Variants in AMD1 observed in about 807,000 individuals in gnomAD.
AMD1 encodes the protein adenosylmethionine decarboxylase 1, also known as S-adenosylmethionine decarboxylase proenzyme.
Under a neutral mutation model 40.2 loss-of-function variants are expected in AMD1, and 11 were observed. The ratio of observed to expected loss-of-function variants is 0.27; its 90% CI spans 0.17 to 0.45. The LOEUF is 0.45. Ranked by LOEUF, AMD1 falls within the 20% of genes least tolerant of loss-of-function variation. The pLI is 1.00. For missense variants in AMD1, 257 were observed against 410.2 expected, an observed-to-expected ratio of 0.63 and a Z score of 3.23; for synonymous variants, 121 against 130.8, an observed-to-expected ratio of 0.93 and a Z score of 0.51.
chr6:110,827,926 T>C, the AMD1 span, among the ~76,000 whole-genome samples: 5,782 of 152,342 alleles, frequency 0.038, 162 homozygotes, highest in Non-Finnish European at 0.06. Context: ...TAAGAACTTT[T>C]ATTGTTTTTA....
the AMD1 span, among the ~76,000 whole-genome samples, chr6:110,819,602 C>T: frequency 6.6e-6 from 1 of 152,100 alleles, no homozygotes. Flanking sequence ...GAAAGATAAG[C>T]TTGGTTGGGG....
intron 1 of AMD1, among the ~76,000 whole-genome samples, chr6:110,882,122 C>G (rs1338523431): frequency 2.6e-5 from 4 of 152,218 alleles, no homozygotes; most frequent in Non-Finnish European, 5.9e-5. Context: ...ATAAAACATT[C>G]TAGCTTAATA....
chr6:110,889,033 T>A, intron 3 of AMD1, 50 bp downstream of exon 3: 1 of 1,596,822 alleles, frequency 6.3e-7, no homozygotes, highest in Middle Eastern at 1.7e-4. Context: ...GTTAGCGTTC[T>A]TATCCTGTAA....
rs899141313 is a variant in AMD1, at chr6:110,889,989, C to T, written c.325-265C>T. ...GTTAATAGTTGTTATGACCCATCAT[C>T]ACTAGACTGGGCTTTTTAAAAAAAA... is the stretch of plus-strand genomic sequence containing the variant. On this transcript the variant is annotated intron_variant, in intron 3 of 8. Coordinates refer to ENST00000368885, the MANE Select transcript of AMD1 (RefSeq NM_001634.6). 1.9e-4 allele frequency: 66 copies of T among 344,584 alleles called. 1 individual carries two copies. The highest frequency in any genetic ancestry group is 3.2e-5 in the Non-Finnish European group (6 of 190,278). 21.3% of individuals were successfully genotyped at this position (344,584 alleles called of 1,614,324 possible). A position where few individuals can be genotyped will look rare whatever the true frequency, so the allele number is the denominator to read the frequency against.
the AMD1 span, among the ~76,000 whole-genome samples, chr6:110,823,130 A>T: frequency 6.6e-6 from 1 of 152,164 alleles, no homozygotes; most frequent in Non-Finnish European, 1.5e-5. Flanking sequence ...AAAAGCATAC[A>T]ATTATCTCAA....
At chr6:110,847,665 T>C in the AMD1 span, among the ~76,000 whole-genome samples, 1 of 152,094 alleles carries the variant, frequency 6.6e-6, no homozygotes, top group Non-Finnish European at 1.5e-5. Flanking sequence ...GCTTATCCTA[T>C]CTACAAAATT....
chr6:110,831,965 T>C, the AMD1 span, among the ~76,000 whole-genome samples: 3 of 151,050 alleles, frequency 2.0e-5, no homozygotes, highest in South Asian at 6.3e-4. Flanking sequence ...CACCTCAGCC[T>C]CCCAAGTAGC....
chr6:110,876,616 A>AT (rs1490898275), intron 1 of AMD1, among the ~76,000 whole-genome samples: 7 of 151,796 alleles, frequency 4.6e-5, no homozygotes, highest in Non-Finnish European at 8.8e-5. Context: ...CACACGTCTC[A>AT]TTTTTTTCAA....
At chr6:110,890,738 C>T (rs553601819) in intron 4 of AMD1, 52 of 155,504 alleles carry the variant, frequency 3.3e-4, no homozygotes, top group Non-Finnish European at 4.4e-4. Flanking sequence ...ATCCACCTGC[C>T]TTGGCCTCCC....
intron 3 of AMD1, chr6:110,889,289 A>C (rs369745067): frequency 5.4e-6 from 1 of 186,304 alleles, no homozygotes; most frequent in Admixed American, 6.0e-5. Flanking sequence ...AAGGAAAAGC[A>C]AGAAAAATGT....
chr6:110,889,027 G>A lies in AMD1; in HGVS notation c.324+44G>A, dbSNP rs758190870. On this transcript the variant is annotated intron_variant, in intron 3 of 8. Coordinates refer to ENST00000368885, the MANE Select transcript of AMD1 (RefSeq NM_001634.6). Reference sequence around the variant, plus strand: ...AAATATTTTTCAGGCATAAATGTTAGCGTTCTTATCCTGTAATATGCGAAG... The same window carrying A: ...AAATATTTTTCAGGCATAAATGTTAACGTTCTTATCCTGTAATATGCGAAG... The A allele has an allele frequency of 8.7e-6, 14 of 1,603,010 alleles. 1 individual carries two copies. In the Admixed American group the frequency reaches 2.2e-4, roughly 25 times the overall value.
At chr6:110,843,142 T>G in the AMD1 span, among the ~76,000 whole-genome samples, 7 of 136,220 alleles carry the variant, frequency 5.1e-5, no homozygotes, top group Non-Finnish European at 1.1e-4. Context: ...CAAAAAAAAG[T>G]CTAAAAAACA....
chr6:110,844,216 T>C, the AMD1 span, among the ~76,000 whole-genome samples: 3 of 148,320 alleles, frequency 2.0e-5, no homozygotes, highest in Admixed American at 6.7e-5. Context: ...AGCAAGATCC[T>C]GTCCCTACTT....
Position 110,890,256 on chromosome 6 carries a change from C to G in AMD1, c.327C>G (p.Ser109Arg), listed in dbSNP as rs369005588. The G allele has an allele frequency of 6.5e-7, 1 of 1,546,800 alleles. No individual in the cohort carries two copies. Among genetic ancestry groups the G allele is most frequent in the Non-Finnish European group, 8.7e-7 (1 of 1,152,352 alleles). ...RDYSGFDSIQ[S>R]FFYSRKNFMK... Reference sequence around the variant, plus strand: ...CTTTCTTTTCTTTTTTAATAAAGAGCTTCTTTTATTCTCGTAAGAATTTCA... The same window carrying G: ...CTTTCTTTTCTTTTTTAATAAAGAGGTTCTTTTATTCTCGTAAGAATTTCA... Residue 109 changes from serine to arginine, a missense_variant and splice_region_variant, in exon 4 of 9, where the codon AGC (serine) becomes AGG (arginine). Coordinates refer to ENST00000368885, the MANE Select transcript of AMD1 (RefSeq NM_001634.6).
chr6:110,868,156 T>C, the AMD1 span, among the ~76,000 whole-genome samples: 1 of 151,448 alleles, frequency 6.6e-6, no homozygotes, highest in Non-Finnish European at 1.5e-5. Context: ...TTATTATTAT[T>C]ATTATTTTTG....
chr6:110,849,948 C>T, the AMD1 span, among the ~76,000 whole-genome samples: 1 of 151,422 alleles, frequency 6.6e-6, no homozygotes, highest in Non-Finnish European at 1.5e-5. Flanking sequence ...TCTCTTGAGC[C>T]TGGGAGATTG....
At chr6:110,859,254 C>T in the AMD1 span, 3 of 438,810 alleles carry the variant, frequency 6.8e-6, no homozygotes, top group Non-Finnish European at 1.2e-5. Context: ...GCCAATCAAC[C>T]CAGGGTCTGT....
chr6:110,830,953 A>T, the AMD1 span, among the ~76,000 whole-genome samples: 1 of 152,120 alleles, frequency 6.6e-6, no homozygotes, highest in South Asian at 2.1e-4. Flanking sequence ...ATGGCATTTC[A>T]CTATGTTGCC....
At chr6:110,857,974 A>G in the AMD1 span, among the ~76,000 whole-genome samples, 1 of 151,832 alleles carries the variant, frequency 6.6e-6, no homozygotes, top group Admixed American at 6.6e-5. Flanking sequence ...AGCTGGGACT[A>G]CAGGCGCTTG....
Sources: gnomAD v4.1 joint callset for allele counts (sites outside exome capture counted in the v4.1 genomes callset) on GRCh38, gnomAD v4.1.1 for gene constraint, MANE v1.5 for transcripts, NCBI Gene and HGNC (gene_info 2026-07-23, HGNC 2026-07-21) for gene names.